AOAH: variants seen among roughly 807,000 people sequenced by gnomAD.
AOAH encodes the protein acyloxyacyl hydrolase (neutrophil).
Under a neutral mutation model 92.2 loss-of-function variants are expected in AOAH, and 64 were observed. The ratio of observed to expected loss-of-function variants is 0.69; its 90% CI spans 0.57 to 0.86. AOAH has a LOEUF of 0.86. Ranked by LOEUF, AOAH falls within the 40% of genes least tolerant of loss-of-function variation. The pLI, the probability that AOAH is intolerant of heterozygous loss-of-function variation, is 0.00. For missense variants in AOAH, 656 were observed against 694.6 expected (o/e 0.94, Z 0.62); for synonymous variants, 263 against 254.5 (o/e 1.03, Z -0.32).
chr7:36,585,717 T>G (rs1789274972), intron 12 of AOAH, among the ~76,000 whole-genome samples: 1 of 152,180 alleles, frequency 6.6e-6, no homozygotes, highest in Non-Finnish European at 1.5e-5. Flanking sequence ...TATGATAGCC[T>G]TTATGGGAAA....
intron 2 of AOAH, among the ~76,000 whole-genome samples, chr7:36,679,408 C>G (rs1232784312): frequency 1.3e-5 from 2 of 151,122 alleles, no homozygotes; most frequent in Non-Finnish European, 2.9e-5. Flanking sequence ...ACTTAGAGAG[C>G]TTAAGATCAC....
intron 20 of AOAH, among the ~76,000 whole-genome samples, chr7:36,515,588 CAT>C (rs1171383149): frequency 3.2e-5 from 4 of 124,658 alleles, no homozygotes; most frequent in South Asian, 2.9e-4. Flanking sequence ...ACACCACACA[CAT>C]ACCACACCCC....
chr7:36,650,978 C>T (rs948796739), intron 4 of AOAH, among the ~76,000 whole-genome samples: 1 of 152,184 alleles, frequency 6.6e-6, no homozygotes, highest in African/African-American at 2.4e-5. Flanking sequence ...GAACAAGGCG[C>T]TGGCCATGCA....
chr7:36,515,109 C>A (rs1355413869), intron 20 of AOAH, among the ~76,000 whole-genome samples: 1 of 149,388 alleles, frequency 6.7e-6, no homozygotes, highest in Non-Finnish European at 1.5e-5. Context: ...CCACACCACA[C>A]ACACATAATC....
intron 1 of AOAH, among the ~76,000 whole-genome samples, chr7:36,720,146 T>G (rs892023137): frequency 2.6e-5 from 4 of 151,826 alleles, no homozygotes; most frequent in East Asian, 1.9e-4. Flanking sequence ...AAAGTTTTTT[T>G]TTTTGTTTTG....
At chr7:36,643,440 G>A (rs2116370502) in intron 4 of AOAH, among the ~76,000 whole-genome samples, 1 of 152,278 alleles carries the variant, frequency 6.6e-6, no homozygotes, top group Admixed American at 6.5e-5. Flanking sequence ...TAATGCAAAA[G>A]GTCAGATACC....
chr7:36,548,392 G>T (rs982218361), intron 15 of AOAH, among the ~76,000 whole-genome samples: 1 of 152,104 alleles, frequency 6.6e-6, no homozygotes, highest in Non-Finnish European at 1.5e-5. Context: ...CACCATGTTG[G>T]CCAGGCTGGT....
chr7:36,650,094 G>C (rs1159529612), intron 4 of AOAH, among the ~76,000 whole-genome samples: 1 of 152,084 alleles, frequency 6.6e-6, no homozygotes, highest in Non-Finnish European at 1.5e-5. Context: ...TCTTGGAAGT[G>C]GCTTCTGCCA....
chr7:36,527,323 G>T (rs1784449788), intron 19 of AOAH, among the ~76,000 whole-genome samples: 3 of 152,170 alleles, frequency 2.0e-5, no homozygotes, highest in Non-Finnish European at 2.9e-5. Flanking sequence ...TGAAAAATGA[G>T]AATATTTTTG....
intron 11 of AOAH, among the ~76,000 whole-genome samples, chr7:36,610,903 G>T (rs1166040930): frequency 1.3e-5 from 2 of 152,178 alleles, no homozygotes; most frequent in African/African-American, 4.8e-5. Context: ...CCTGGGCCCA[G>T]CCTGAAGCTT....
intron 1 of AOAH, among the ~76,000 whole-genome samples, chr7:36,718,134 A>G (rs1799362838): frequency 6.6e-6 from 1 of 152,188 alleles, no homozygotes; most frequent in African/African-American, 2.4e-5. Flanking sequence ...CCCAATTTAA[A>G]GAGGGGCAAA....
At chr7:36,565,831 G>A (rs1396624298) in intron 13 of AOAH, among the ~76,000 whole-genome samples, 4 of 152,050 alleles carry the variant, frequency 2.6e-5, no homozygotes, top group African/African-American at 7.2e-5. Context: ...ATGAGACACC[G>A]TGCCTGGCCA....
intron 16 of AOAH, 40 bp from the exon 17 acceptor site, chr7:36,532,384 CA>C (rs1047031948): frequency 1.2e-6 from 2 of 1,601,332 alleles, no homozygotes; most frequent in African/African-American, 2.7e-5. Context: ...ATCCACTCGG[CA>C]ATAGCAGCAT....
intron 1 of AOAH, among the ~76,000 whole-genome samples, chr7:36,697,554 T>C (rs1338872557): frequency 2.0e-5 from 3 of 152,202 alleles, no homozygotes; most frequent in Non-Finnish European, 2.9e-5. Flanking sequence ...AAGTGAAATG[T>C]GTTTCTTCCT....
At chr7:36,653,558 A>T (rs936649415) in intron 4 of AOAH, among the ~76,000 whole-genome samples, 1 of 152,188 alleles carries the variant, frequency 6.6e-6, no homozygotes, top group Non-Finnish European at 1.5e-5. Flanking sequence ...ACTCAGCATC[A>T]GAGAGCTTTT....
intron 1 of AOAH, among the ~76,000 whole-genome samples, chr7:36,692,914 G>T (rs767721096): frequency 5.9e-5 from 9 of 152,150 alleles, no homozygotes; most frequent in Admixed American, 1.3e-4. Context: ...TCTCAGAGGA[G>T]CTGAGTCTTA....
intron 13 of AOAH, among the ~76,000 whole-genome samples, chr7:36,569,925 T>C (rs960883547): frequency 6.6e-6 from 1 of 152,162 alleles, no homozygotes; most frequent in Non-Finnish European, 1.5e-5. Context: ...TACTTAAAAA[T>C]ATATTTTATA....
chr7:36,605,874 G>A (rs1790963153), intron 11 of AOAH, among the ~76,000 whole-genome samples: 1 of 152,306 alleles, frequency 6.6e-6, no homozygotes, highest in Non-Finnish European at 1.5e-5. Flanking sequence ...CACTGCTGCT[G>A]GAGAGCAGAA....
intron 1 of AOAH, among the ~76,000 whole-genome samples, chr7:36,703,819 A>C (rs1437351563): frequency 6.6e-6 from 1 of 152,206 alleles, no homozygotes; most frequent in Non-Finnish European, 1.5e-5. Context: ...TTTTGGGTAT[A>C]TACCCACTAA....
Sources: gnomAD v4.1 joint callset for allele counts (sites outside exome capture counted in the v4.1 genomes callset) on GRCh38, gnomAD v4.1.1 for gene constraint, MANE v1.5 for transcripts, NCBI Gene and HGNC (gene_info 2026-07-23, HGNC 2026-07-21) for gene names.